The following LAMA4 variants were observed in gnomAD, a reference collection of about 807,000 sequenced individuals.
LAMA4 encodes laminin subunit alpha 4.
Under a neutral mutation model 207.1 loss-of-function variants are expected in LAMA4, and 127 were observed. That is an observed-to-expected ratio of 0.61 (90% CI 0.53 to 0.71). LAMA4 has a LOEUF of 0.71. LAMA4 is among the 30% of genes least tolerant of loss of function. LAMA4 has a pLI of 0.00. For synonymous variants in LAMA4, 761 were observed against 816.0 expected, an observed-to-expected ratio of 0.93 and a Z score of 1.15; for missense variants, 2,093 against 2,246.5, an observed-to-expected ratio of 0.93 and a Z score of 1.38.
intron 12 of LAMA4, among the ~76,000 whole-genome samples, chr6:112,170,149 C>A (rs374146787): frequency 6.6e-6 from 1 of 152,212 alleles, no homozygotes; most frequent in Admixed American, 6.5e-5. Context: ...TGGCTGAGAT[C>A]GAGAACTCAC....
chr6:112,185,132 T>C, intron 9 of LAMA4, 105 bp downstream of exon 9: 1 of 804,934 alleles, frequency 1.2e-6, no homozygotes, highest in South Asian at 1.3e-5. Context: ...CACTGCATTT[T>C]TTCTGGGCTG....
At chr6:112,122,337 C>T (rs1407106669) in intron 31 of LAMA4, 136 bp from the exon 32 acceptor site, 2 of 673,466 alleles carry the variant, frequency 3.0e-6, no homozygotes, top group African/African-American at 3.6e-5. Context: ...CATTAGGTCC[C>T]CTCTCTTTCC....
rs1778083766 is a variant in LAMA4 at position 112,117,397 on chromosome 6, C to T, written c.4981+342G>A. ...GACTTCCTTTAGTAGGACAATGGTTCATGCCAAGAAGGAGCAGAGCAAGAC... is the reference window on the plus strand; with the variant it reads ...GACTTCCTTTAGTAGGACAATGGTTTATGCCAAGAAGGAGCAGAGCAAGAC... On this transcript the variant is annotated intron_variant, in intron 35 of 38. Coordinates refer to ENST00000230538, the MANE Select transcript of LAMA4 (RefSeq NM_001105206.3). This position sits in a 1 kb window ranked among gnomAD's most constrained non-coding sequence, Gnocchi z 4.5. Among the ~76,000 whole-genome samples, 1 of 152,136 alleles carries T rather than the reference C, an allele frequency of 6.6e-6. No individual in the cohort carries two copies. The highest frequency in any genetic ancestry group is 1.5e-5 in the Non-Finnish European group (1 of 68,026).
Position 112,216,340 on chromosome 6 carries a change from G to C in LAMA4, c.297+28C>G, listed in dbSNP as rs370199507. 5.7e-6 allele frequency: 8 copies of C among 1,405,770 alleles called. No homozygotes were observed. In the African/African-American group the frequency reaches 1.1e-4, roughly 20 times the overall value. 87.1% of individuals were successfully genotyped at this position (1,405,770 alleles called of 1,614,324 possible). A position where few individuals can be genotyped will look rare whatever the true frequency, so the allele number is the denominator to read the frequency against. On this transcript the variant is annotated intron_variant, in intron 3 of 38. Transcript: ENST00000230538. ...AAGATGCAAATGCCCAGTGAAGTACGTGAAGTGTTATAGGTGCCCCAACTT... is the reference window on the plus strand; with the variant it reads ...AAGATGCAAATGCCCAGTGAAGTACCTGAAGTGTTATAGGTGCCCCAACTT...
intron 32 of LAMA4, chr6:112,121,672 T>A (rs587687921): frequency 3.0e-6 from 1 of 331,968 alleles, no homozygotes; most frequent in South Asian, 2.7e-5. Flanking sequence ...CCATTTACAA[T>A]CTGAAAGCAA....
In LAMA4 at chr6:112,117,637, G is replaced by A; in HGVS notation, c.4981+102C>T. On this transcript the variant is annotated intron_variant, in intron 35 of 38. Transcript: ENST00000230538. The surrounding 1 kb of genome is among the most constrained non-coding windows in gnomAD (Gnocchi z 4.5). The stretch of plus-strand genomic sequence containing the variant: ...GGAAGAGGTCATCTTCTAGGGCTGA[G>A]TTTGGCATTCTTAAGTTTTAACTCT... The A allele has an allele frequency of 8.5e-7, 1 of 1,179,650 alleles. No homozygotes were observed. Among genetic ancestry groups the A allele is most frequent in the South Asian group, 1.2e-5 (1 of 81,266 alleles). 73.1% of individuals were successfully genotyped at this position (1,179,650 alleles called of 1,614,324 possible). A position where few individuals can be genotyped will look rare whatever the true frequency, so the allele number is the denominator to read the frequency against.
Position 112,178,226 on chromosome 6 carries a change from G to C in LAMA4, c.1084C>G (p.Gln362Glu). The change falls in exon 10 of 39, where the codon CAA (glutamine) becomes GAA (glutamate). Residue 362 changes from glutamine to glutamate, a missense_variant. Physicochemically the swap from Gln to Glu is conservative, Grantham distance 29. Coordinates refer to ENST00000230538, the MANE Select transcript of LAMA4 (RefSeq NM_001105206.3). ...DVEELVEKEN[Q>E]ASRKGQLVQK... Reference sequence around the variant, plus strand: ...ACAAGTTGTCCTTTTCTGGAGGCTTGATTTTCCTACAAATAATCCGTATAA... The same window carrying C: ...ACAAGTTGTCCTTTTCTGGAGGCTTCATTTTCCTACAAATAATCCGTATAA... The C allele has an allele frequency of 6.2e-7, 1 of 1,610,460 alleles. No homozygotes were observed. The highest frequency in any genetic ancestry group is 8.5e-7 in the Non-Finnish European group (1 of 1,176,766).
chr6:112,178,077 G>T, intron 10 of LAMA4, 44 bp downstream of exon 10: 1 of 1,324,926 alleles, frequency 7.5e-7, no homozygotes, highest in Non-Finnish European at 1.1e-6. Flanking sequence ...AATAACATAA[G>T]TGTTTCCTTG....
chr6:112,161,746 T>C (rs1781065363), intron 13 of LAMA4, among the ~76,000 whole-genome samples: 1 of 152,012 alleles, frequency 6.6e-6, no homozygotes, highest in Non-Finnish European at 1.5e-5. Context: ...AGGGGTTCAT[T>C]TGGATGTCAG....
intron 2 of LAMA4, among the ~76,000 whole-genome samples, chr6:112,231,740 A>G (rs1554364517): frequency 6.6e-6 from 1 of 152,230 alleles, no homozygotes; most frequent in Admixed American, 6.5e-5. Flanking sequence ...TGGCAGCTTG[A>G]CATATGTCTG....
chr6:112,181,477 G>A (rs75962122), intron 9 of LAMA4, among the ~76,000 whole-genome samples: 10 of 152,114 alleles, frequency 6.6e-5, no homozygotes, highest in Non-Finnish European at 1.5e-4. Flanking sequence ...CTTCCACAAG[G>A]CCACAGTTCC....
intron 19 of LAMA4, among the ~76,000 whole-genome samples, chr6:112,144,216 T>C (rs1779879501): frequency 1.3e-5 from 2 of 152,200 alleles, no homozygotes; most frequent in South Asian, 4.1e-4. Flanking sequence ...TCTGCTAAGT[T>C]GCTTCTATAT....
chr6:112,197,940 A>G (rs1244689920), intron 5 of LAMA4, among the ~76,000 whole-genome samples: 3 of 152,210 alleles, frequency 2.0e-5, no homozygotes, highest in Admixed American at 2.0e-4. Context: ...GTTTCAATGA[A>G]TGTTTTCCTT....
intron 33 of LAMA4, among the ~76,000 whole-genome samples, chr6:112,119,743 A>G (rs1055495734): frequency 3.3e-5 from 5 of 152,170 alleles, no homozygotes; most frequent in Admixed American, 6.5e-5. Context: ...CATGTTCTCT[A>G]TGAAGCTTTT....
intron 18 of LAMA4, 39 bp from the exon 19 acceptor site, chr6:112,144,972 CAATATT>C: frequency 1.3e-6 from 2 of 1,524,238 alleles, no homozygotes; most frequent in Non-Finnish European, 1.8e-6. Context: ...GAAAATAACT[CAATATT>C]ATATTTCAAG....
At chr6:112,142,764 CA>C (rs1413312980) in intron 19 of LAMA4, among the ~76,000 whole-genome samples, 1 of 152,186 alleles carries the variant, frequency 6.6e-6, no homozygotes, top group Non-Finnish European at 1.5e-5. Context: ...CTTGTCTACA[CA>C]GTTGGGAGGG....
intron 38 of LAMA4, among the ~76,000 whole-genome samples, chr6:112,111,148 C>A (rs1192452500): frequency 1.3e-5 from 2 of 152,142 alleles, no homozygotes; most frequent in East Asian, 3.9e-4. Context: ...TCAAGCGATT[C>A]CGCTGCCTCA....
chr6:112,138,565 TAATA>T (rs1342632629), intron 24 of LAMA4, among the ~76,000 whole-genome samples: 6 of 152,070 alleles, frequency 3.9e-5, no homozygotes, highest in African/African-American at 1.2e-4. Flanking sequence ...TCTGTATCAT[TAATA>T]AATAAGTCAA....
chr6:112,130,139 G>T (rs1000850001), intron 29 of LAMA4, 99 bp from the exon 30 acceptor site: 1 of 977,946 alleles, frequency 1.0e-6, no homozygotes, highest in Non-Finnish European at 1.6e-6. Context: ...AATTGAAATG[G>T]AACATGTGGT....
Sources: allele counts gnomAD v4.1 joint callset (sites outside exome capture counted in the v4.1 genomes callset), GRCh38; gene constraint gnomAD v4.1.1; non-coding constraint Gnocchi (gnomAD v3.1); transcripts MANE v1.5; gene names NCBI Gene and HGNC (gene_info 2026-07-23, HGNC 2026-07-21).